Variants in KCTD8 observed in about 807,000 individuals in gnomAD.
KCTD8 encodes the protein potassium channel tetramerization domain containing 8.
A neutral mutation model predicts 31.5 loss-of-function variants in KCTD8; 27 were observed. The observed-to-expected ratio is 0.86, with a 90% CI of 0.63 to 1.18. The LOEUF (loss-of-function observed/expected upper bound fraction) is 1.18. KCTD8 is among the 50% of genes most tolerant of loss of function. The pLI is 0.00. For synonymous variants in KCTD8, 290 were observed against 280.0 expected (o/e 1.04, Z -0.36); for missense variants, 658 against 647.7 (o/e 1.02, Z -0.17).
intron 1 of KCTD8, among the ~76,000 whole-genome samples, chr4:44,328,313 C>A (rs549613670): frequency 6.6e-6 from 1 of 151,892 alleles, no homozygotes; most frequent in Non-Finnish European, 1.5e-5. Flanking sequence ...GTAACCATGT[C>A]GTAATTGACT....
chr4:44,406,138 G>A (rs796745838), intron 1 of KCTD8, among the ~76,000 whole-genome samples: 10 of 152,208 alleles, frequency 6.6e-5, no homozygotes, highest in African/African-American at 2.4e-4. Flanking sequence ...AAACAAGGAG[G>A]TGAATATATG....
chr4:44,212,762 A>AC (rs1714529498), intron 1 of KCTD8, among the ~76,000 whole-genome samples: 1 of 152,082 alleles, frequency 6.6e-6, no homozygotes, highest in South Asian at 2.1e-4. Flanking sequence ...GTTTAGTTGG[A>AC]ATTTCATGTT....
chr4:44,267,252 G>A (rs1390481790), intron 1 of KCTD8, among the ~76,000 whole-genome samples: 1 of 152,068 alleles, frequency 6.6e-6, no homozygotes, highest in East Asian at 1.9e-4. Context: ...ACTCAAAACC[G>A]CTGAACTACA....
At chr4:44,413,449 C>G (rs1226733507) in intron 1 of KCTD8, among the ~76,000 whole-genome samples, 1 of 152,104 alleles carries the variant, frequency 6.6e-6, no homozygotes, top group African/African-American at 2.4e-5. Flanking sequence ...TCCCTGTTAT[C>G]TATTATTGGT....
chr4:44,341,489 T>C (rs778274369), intron 1 of KCTD8, among the ~76,000 whole-genome samples: 6 of 152,242 alleles, frequency 3.9e-5, no homozygotes, highest in Non-Finnish European at 8.8e-5. Flanking sequence ...AACCCTGCTA[T>C]TGCTTTGTCA....
rs527873775 is a variant in KCTD8 at position 44,420,601 on chromosome 4, T to C, written c.961+26962A>G. On this transcript the variant is annotated intron_variant, in intron 1 of 1. Coordinates refer to ENST00000360029, the MANE Select transcript of KCTD8 (RefSeq NM_198353.3). ...ACCCTTGAGGTAGATGTTTGGTGGA[T>C]TGTTGGACACTTCTGTTAACTGGCA... 2.6e-5 allele frequency among the ~76,000 whole-genome samples: 4 copies of C among 152,230 alleles called. No individual in the cohort carries two copies. In the South Asian group the frequency reaches 6.2e-4, roughly 24 times the overall value.
chr4:44,222,329 G>C (rs1186782039), intron 1 of KCTD8, among the ~76,000 whole-genome samples: 1 of 152,176 alleles, frequency 6.6e-6, no homozygotes, highest in Non-Finnish European at 1.5e-5. Context: ...ACAACTTCAA[G>C]GACAAACTGA....
chr4:44,390,938 T>C (rs1470124853), intron 1 of KCTD8, among the ~76,000 whole-genome samples: 2 of 151,924 alleles, frequency 1.3e-5, no homozygotes, highest in Non-Finnish European at 2.9e-5. Flanking sequence ...CATGACTAGG[T>C]ATCTACCCAG....
chr4:44,352,388 A>G (rs1719225956), intron 1 of KCTD8, among the ~76,000 whole-genome samples: 1 of 151,842 alleles, frequency 6.6e-6, no homozygotes, highest in African/African-American at 2.4e-5. Flanking sequence ...GGAAAGACAC[A>G]TTAAAAAGAA....
chr4:44,228,071 C>T (rs911439741), intron 1 of KCTD8, among the ~76,000 whole-genome samples: 6 of 152,098 alleles, frequency 3.9e-5, no homozygotes, highest in African/African-American at 4.8e-5. Context: ...CATGATTTGG[C>T]CTCATCTATC....
At chr4:44,324,965 G>C (rs1718404727) in intron 1 of KCTD8, among the ~76,000 whole-genome samples, 1 of 151,866 alleles carries the variant, frequency 6.6e-6, no homozygotes, top group African/African-American at 2.4e-5. Flanking sequence ...CAGTGATATA[G>C]CTGCCAACTC....
intron 1 of KCTD8, among the ~76,000 whole-genome samples, chr4:44,439,913 T>C (rs1381708598): frequency 6.9e-6 from 1 of 145,564 alleles, no homozygotes. Flanking sequence ...TATTTATTTA[T>C]TTATTTATTT....
intron 1 of KCTD8, among the ~76,000 whole-genome samples, chr4:44,409,160 G>A (rs548012535): frequency 6.6e-6 from 1 of 151,306 alleles, no homozygotes; most frequent in African/African-American, 2.4e-5. Flanking sequence ...GGAGAATCAA[G>A]GATGTGGTGA....
intron 1 of KCTD8, among the ~76,000 whole-genome samples, chr4:44,375,707 G>A (rs1182173832): frequency 6.6e-6 from 1 of 152,152 alleles, no homozygotes; most frequent in Non-Finnish European, 1.5e-5. Context: ...GCTTCCTGGT[G>A]CACAGAACCA....
chr4:44,179,760 T>C (rs1560387205), intron 1 of KCTD8, among the ~76,000 whole-genome samples: 2 of 152,016 alleles, frequency 1.3e-5, no homozygotes, highest in Non-Finnish European at 2.9e-5. Flanking sequence ...TCAGTTTTAA[T>C]TGCTATCCAT....
chr4:44,189,424 GAAT>G (rs1713693383), intron 1 of KCTD8, among the ~76,000 whole-genome samples: 1 of 101,554 alleles, frequency 9.8e-6, no homozygotes, highest in African/African-American at 4.3e-5. Context: ...ACCATTATTG[GAAT>G]AACGAGGTTA....
In KCTD8 at chr4:44,182,073, G is replaced by A. The variant is rs190737439; in HGVS notation, c.962-6823C>T. Among the ~76,000 whole-genome samples, 791 of 152,202 alleles carry A rather than the reference G, an allele frequency of 5.2e-3. 1 individual carries two copies. Among genetic ancestry groups the A allele is most frequent in the African/African-American group, 0.019 (777 of 41,548 alleles). On this transcript the variant is annotated intron_variant, in intron 1 of 1. Transcript: ENST00000360029. Reference sequence around the variant, plus strand: ...TCTGCCTGGCAGCCACCCCGTCTGAGAAGTGAGGAGCCCCTCCGCCCGACA... The same window carrying A: ...TCTGCCTGGCAGCCACCCCGTCTGAAAAGTGAGGAGCCCCTCCGCCCGACA...
intron 1 of KCTD8, among the ~76,000 whole-genome samples, chr4:44,199,672 T>C (rs1249524873): frequency 1.3e-5 from 2 of 152,072 alleles, no homozygotes; most frequent in African/African-American, 4.8e-5. Flanking sequence ...TGAAAGTTTA[T>C]AGTATTAAAT....
At chr4:44,273,835 T>C (rs1274848280) in intron 1 of KCTD8, among the ~76,000 whole-genome samples, 1 of 151,966 alleles carries the variant, frequency 6.6e-6, no homozygotes, top group Non-Finnish European at 1.5e-5. Context: ...TACATTATAA[T>C]TATCTTGTCA....
Sources: allele counts gnomAD v4.1 joint callset (sites outside exome capture counted in the v4.1 genomes callset), GRCh38; gene constraint gnomAD v4.1.1; transcripts MANE v1.5; gene names NCBI Gene and HGNC (gene_info 2026-07-23, HGNC 2026-07-21).